The following HACD4 variants were observed in gnomAD, a reference collection of about 807,000 sequenced individuals.
HACD4 encodes 3-hydroxyacyl-CoA dehydratase 4, also known as very-long-chain (3R)-3-hydroxyacyl-CoA dehydratase 4.
In HACD4, 35 loss-of-function variants were observed where a neutral mutation model predicts 33.3. That is an observed-to-expected ratio of 1.05 (90% CI 0.80 to 1.39). The LOEUF is 1.39. Among genes scored for constraint, HACD4 ranks in the 40% most tolerant of loss-of-function variants. HACD4 has a pLI of 0.00. For missense variants in HACD4, 323 were observed against 276.5 expected, an observed-to-expected ratio of 1.17 and a Z score of -1.19; for synonymous variants, 118 against 98.0, an observed-to-expected ratio of 1.20 and a Z score of -1.21.
In HACD4 at chr9:21,029,309, A is replaced by G; in HGVS notation, c.128T>C (p.Phe43Ser). 1 of 1,577,160 alleles carries G rather than the reference A, an allele frequency of 6.3e-7. No individual in the cohort carries two copies. The highest frequency in any genetic ancestry group is 8.7e-7 in the Non-Finnish European group (1 of 1,154,208). ...CGGAGTTTTACCTTTTCCAAATGAA[A>G]AGAATCTGACTGTCATATTTGTAAA... The part of the protein sequence containing the change: ...WIFTNMTVRF[F>S]SFGKDSMVDT... The change falls in exon 2 of 7, where the codon TTT becomes TCT. Residue 43 changes from phenylalanine to serine, a missense_variant. Transcript: ENST00000495827.
At position 21,005,570 on chromosome 9, in the gene HACD4, C is replaced by A. The variant is rs746019240; in HGVS notation, c.*1467G>T. The A allele has an allele frequency of 6.6e-6, 1 of 152,218 alleles. No individual in the cohort carries two copies. Among genetic ancestry groups the A allele is most frequent in the Non-Finnish European group, 1.5e-5 (1 of 68,060 alleles). 9.4% of individuals were successfully genotyped at this position (152,218 alleles called of 1,614,324 possible). A position where few individuals can be genotyped will look rare whatever the true frequency, so the allele number is the denominator to read the frequency against. Reference sequence around the variant, plus strand: ...TATTCAGCTGTGAATGTACACTATTCTTCAAGAAAAGGAGAAACTGACCCG... The same window carrying A: ...TATTCAGCTGTGAATGTACACTATTATTCAAGAAAAGGAGAAACTGACCCG... On this transcript the variant is annotated 3_prime_UTR_variant, in exon 7 of 7. Coordinates refer to ENST00000495827, the MANE Select transcript of HACD4 (RefSeq NM_001010915.5). This position sits in a 1 kb window ranked among gnomAD's most constrained non-coding sequence, Gnocchi z 4.0.
intron 5 of HACD4, among the ~76,000 whole-genome samples, chr9:21,009,449 T>C (rs549139325): frequency 6.6e-5 from 10 of 152,292 alleles, no homozygotes; most frequent in African/African-American, 2.4e-4. Flanking sequence ...ATAACAAGAA[T>C]GCAAAAGTTT....
At chr9:21,007,592 G>C (rs1842300733) in intron 6 of HACD4, among the ~76,000 whole-genome samples, 1 of 152,062 alleles carries the variant, frequency 6.6e-6, no homozygotes, top group Non-Finnish European at 1.5e-5. Context: ...CATTTCTCTT[G>C]AGTCTGTAAC....
intron 1 of HACD4, among the ~76,000 whole-genome samples, chr9:21,031,149 T>TC (rs879587697): frequency 2.6e-5 from 4 of 151,926 alleles, no homozygotes; most frequent in Non-Finnish European, 5.9e-5. Flanking sequence ...CTGAATCTGT[T>TC]CCCCGCCGGA....
At chr9:21,022,474 C>A (rs989194826) in intron 3 of HACD4, among the ~76,000 whole-genome samples, 1 of 151,954 alleles carries the variant, frequency 6.6e-6, no homozygotes, top group East Asian at 1.9e-4. Flanking sequence ...TACAATCTAC[C>A]CATCTGACAA....
At chr9:21,009,485 C>T (rs1286604633) in intron 5 of HACD4, among the ~76,000 whole-genome samples, 1 of 152,116 alleles carries the variant, frequency 6.6e-6, no homozygotes, top group East Asian at 1.9e-4. Flanking sequence ...ACCCCTTATT[C>T]CTAGGAAGGG....
At chr9:21,031,484 G>A in intron 1 of HACD4, 69 bp downstream of exon 1, 1 of 1,418,264 alleles carries the variant, frequency 7.1e-7, no homozygotes, top group Non-Finnish European at 9.1e-7. Flanking sequence ...GCCCGCCGCA[G>A]AGGGGAGCTC....
intron 2 of HACD4, 140 bp downstream of exon 2, chr9:21,029,155 C>G: frequency 1.8e-6 from 1 of 566,890 alleles, no homozygotes; most frequent in Non-Finnish European, 3.1e-6. Flanking sequence ...GAAGGTTTTG[C>G]AATAAACATG....
chr9:21,019,559 T>C (rs1817848939), intron 3 of HACD4, among the ~76,000 whole-genome samples: 1 of 152,110 alleles, frequency 6.6e-6, no homozygotes, highest in Admixed American at 6.5e-5. Flanking sequence ...ATTTACATTG[T>C]ATTTACAGGA....
At chr9:21,014,709 A>C (rs1262498945) in intron 4 of HACD4, among the ~76,000 whole-genome samples, 2 of 152,230 alleles carry the variant, frequency 1.3e-5, no homozygotes, top group Non-Finnish European at 2.9e-5. Flanking sequence ...ATGGTATATA[A>C]ATTATATCTT....
rs1256915263 is a variant in HACD4 at position 21,002,454 on chromosome 9, A to T, written c.*4583T>A. 2 of 152,156 alleles carry T rather than the reference A, an allele frequency of 1.3e-5. No individual in the cohort carries two copies. Among genetic ancestry groups the T allele is most frequent in the Admixed American group, 6.6e-5 (1 of 15,266 alleles). 9.4% of individuals were successfully genotyped at this position (152,156 alleles called of 1,614,324 possible). On this transcript the variant is annotated 3_prime_UTR_variant, in exon 7 of 7. Coordinates refer to ENST00000495827, the MANE Select transcript of HACD4 (RefSeq NM_001010915.5). ...ACATTATGCTAAGTGAAATAAGCCA[A>T]TTACGAAAGACAGATACTGTATGAT...
chr9:21,021,526 CAA>C (rs1226214341), intron 3 of HACD4, among the ~76,000 whole-genome samples: 1 of 152,184 alleles, frequency 6.6e-6, no homozygotes, highest in Non-Finnish European at 1.5e-5. Context: ...GCAACTTCAG[CAA>C]AGTCTCAGGA....
At chr9:21,011,951 TAC>T (rs1842448665) in intron 4 of HACD4, among the ~76,000 whole-genome samples, 1 of 152,126 alleles carries the variant, frequency 6.6e-6, no homozygotes, top group African/African-American at 2.4e-5. Context: ...CTCAGAAAAA[TAC>T]AGTTACAAAT....
chr9:21,014,175 G>A (rs1842503108), intron 4 of HACD4, among the ~76,000 whole-genome samples: 1 of 151,854 alleles, frequency 6.6e-6, no homozygotes, highest in South Asian at 2.1e-4. Flanking sequence ...ATTTTACAGA[G>A]GAAAAAAAAG....
chr9:21,001,916 C>G lies in HACD4; in HGVS notation c.*5121G>C, dbSNP rs1284619863. On this transcript the variant is annotated 3_prime_UTR_variant, in exon 7 of 7. Transcript: ENST00000495827. The stretch of plus-strand genomic sequence containing the variant: ...AATGGAAAGACACTAAACAGCAACT[C>G]AAAGCCACATGAAGAAATAAGGATC... The G allele has an allele frequency of 6.6e-6, 1 of 152,106 alleles. No individual in the cohort carries two copies. The highest frequency in any genetic ancestry group is 1.9e-4 in the East Asian group (1 of 5,196). The allele number at this position is 152,106 out of a possible 1,614,324, so 9.4% of individuals were successfully genotyped here.
intron 4 of HACD4, among the ~76,000 whole-genome samples, chr9:21,012,407 G>C (rs1184787963): frequency 6.6e-6 from 1 of 152,122 alleles, no homozygotes; most frequent in African/African-American, 2.4e-5. Flanking sequence ...TGATGCCACT[G>C]GTCTAGGGAC....
Position 21,015,958 on chromosome 9 carries a change from A to G in HACD4, c.323T>C (p.Val108Ala). ...AACACACACCACATATTTCTCTTGGACTTCCTCTTGACTGGTGATCACCAC... is the reference window on the plus strand; with the variant it reads ...AACACACACCACATATTTCTCTTGGGCTTCCTCTTGACTGGTGATCACCAC... ...LFVVITSQEEVQEKYVVCVLF... is the reference protein window; with the variant it reads ...LFVVITSQEEAQEKYVVCVLF... Residue 108 changes from valine to alanine, a missense_variant, in exon 4 of 7, where the codon GTC becomes GCC. Transcript: ENST00000495827. 6.2e-7 allele frequency: 1 copy of G among 1,613,420 alleles called. No individual in the cohort carries two copies. The highest frequency in any genetic ancestry group is 1.1e-5 in the South Asian group (1 of 91,060).
chr9:21,012,989 T>A (rs1587828464), intron 4 of HACD4, among the ~76,000 whole-genome samples: 1 of 148,748 alleles, frequency 6.7e-6, no homozygotes, highest in East Asian at 2.0e-4. Flanking sequence ...ATCACTTGAA[T>A]CCAGGAGGCG....
chr9:21,019,361 TA>T (rs1157479962), intron 3 of HACD4, among the ~76,000 whole-genome samples: 5 of 152,216 alleles, frequency 3.3e-5, no homozygotes, highest in Non-Finnish European at 7.4e-5. Flanking sequence ...GTTAAGTAAT[TA>T]TACCAGAGAT....
Sources: gnomAD v4.1 joint callset for allele counts (sites outside exome capture counted in the v4.1 genomes callset) on GRCh38, gnomAD v4.1.1 for gene constraint, Gnocchi (gnomAD v3.1) non-coding constraint, MANE v1.5 for transcripts, NCBI Gene and HGNC (gene_info 2026-07-23, HGNC 2026-07-21) for gene names.